The following LRRC4C variants were observed in gnomAD, a reference collection of about 807,000 sequenced individuals.
LRRC4C encodes leucine rich repeat containing 4C, also known as leucine-rich repeat-containing protein 4C.
Under a neutral mutation model 33.6 loss-of-function variants are expected in LRRC4C, and 5 were observed. The ratio of observed to expected loss-of-function variants is 0.15; its 90% CI spans 0.08 to 0.31. The LOEUF is 0.31. Among genes scored for constraint, LRRC4C ranks in the 10% least tolerant of loss-of-function variants. The pLI, the probability that LRRC4C is intolerant of heterozygous loss-of-function variation, is 1.00. For missense variants in LRRC4C, 560 were observed against 796.7 expected (o/e 0.70, Z 3.58); for synonymous variants, 329 against 302.0 (o/e 1.09, Z -0.93).
chr11:40,664,881 CG>C (rs1008931291), intron 2 of LRRC4C, among the ~76,000 whole-genome samples: 2 of 151,648 alleles, frequency 1.3e-5, no homozygotes, highest in African/African-American at 4.8e-5. Flanking sequence ...CCCACTAACT[CG>C]TCATTTACAT....
At chr11:40,305,654 T>C (rs1343015678) in intron 4 of LRRC4C, among the ~76,000 whole-genome samples, 1 of 151,606 alleles carries the variant, frequency 6.6e-6, no homozygotes, top group Non-Finnish European at 1.5e-5. Flanking sequence ...CTTCTAGCCA[T>C]ACATAGACAA....
At chr11:40,775,304 G>A (rs1241284390) in intron 2 of LRRC4C, among the ~76,000 whole-genome samples, 1 of 152,036 alleles carries the variant, frequency 6.6e-6, no homozygotes, top group Non-Finnish European at 1.5e-5. Flanking sequence ...CAGCTACTTG[G>A]GAGGCTGAGG....
At chr11:40,967,537 A>C (rs1870876) in intron 1 of LRRC4C, among the ~76,000 whole-genome samples, 35,313 of 151,962 alleles carry the variant, frequency 0.23, 4,488 homozygotes, top group Middle Eastern at 0.32. Flanking sequence ...TGCTCACTTC[A>C]TGTCTCAATG....
At chr11:40,265,123 T>C (rs1942154642) in intron 4 of LRRC4C, among the ~76,000 whole-genome samples, 1 of 152,202 alleles carries the variant, frequency 6.6e-6, no homozygotes, top group Non-Finnish European at 1.5e-5. Flanking sequence ...TAATTTTCCC[T>C]CCTTCCATTT....
intron 1 of LRRC4C, among the ~76,000 whole-genome samples, chr11:41,001,533 T>C (rs1174731786): frequency 6.6e-6 from 1 of 152,108 alleles, no homozygotes; most frequent in Non-Finnish European, 1.5e-5. Context: ...TTTGAAAGTC[T>C]CTGAACATGG....
intron 2 of LRRC4C, among the ~76,000 whole-genome samples, chr11:40,823,317 GA>G (rs1017466727): frequency 3.3e-5 from 5 of 151,292 alleles, no homozygotes; most frequent in African/African-American, 9.7e-5. Flanking sequence ...ATCAATGAGA[GA>G]AAAAAATAAT....
chr11:41,224,555 C>T (rs575898087), intron 1 of LRRC4C, among the ~76,000 whole-genome samples: 1 of 152,264 alleles, frequency 6.6e-6, no homozygotes, highest in South Asian at 2.1e-4. Flanking sequence ...ACTTCCTTGT[C>T]CCCTTCTTAA....
chr11:40,625,276 C>T (rs1324929637), intron 3 of LRRC4C, among the ~76,000 whole-genome samples: 2 of 152,152 alleles, frequency 1.3e-5, no homozygotes, highest in African/African-American at 4.8e-5. Context: ...AGTCTGTTCT[C>T]ATGCTGCTGT....
intron 1 of LRRC4C, among the ~76,000 whole-genome samples, chr11:41,164,393 G>A (rs1339792361): frequency 6.6e-6 from 1 of 151,840 alleles, no homozygotes; most frequent in Non-Finnish European, 1.5e-5. Flanking sequence ...AGTACCTCCT[G>A]AGGAACCTGC....
intron 4 of LRRC4C, among the ~76,000 whole-genome samples, chr11:40,272,523 G>T (rs370275836): frequency 6.6e-5 from 10 of 152,008 alleles, no homozygotes; most frequent in African/African-American, 1.9e-4. Context: ...AAAATTACAT[G>T]CATGAAGGAG....
chr11:40,935,143 C>A (rs2136507170), intron 1 of LRRC4C, among the ~76,000 whole-genome samples: 1 of 152,250 alleles, frequency 6.6e-6, no homozygotes, highest in Middle Eastern at 3.4e-3. Context: ...TTTTTCACTG[C>A]TGCACTCCTT....
intron 2 of LRRC4C, among the ~76,000 whole-genome samples, chr11:40,708,012 G>T (rs935350196): frequency 1.1e-4 from 16 of 152,150 alleles, no homozygotes; most frequent in Non-Finnish European, 2.1e-4. Context: ...AGTATTTATA[G>T]TATTCTCTGA....
chr11:40,992,551 T>C (rs1853658948), intron 1 of LRRC4C, among the ~76,000 whole-genome samples: 1 of 152,036 alleles, frequency 6.6e-6, no homozygotes, highest in South Asian at 2.1e-4. Flanking sequence ...TTTTTATCTG[T>C]TTGGCTGAAT....
At chr11:41,097,620 T>C (rs1416925178) in intron 1 of LRRC4C, among the ~76,000 whole-genome samples, 2 of 152,114 alleles carry the variant, frequency 1.3e-5, no homozygotes, top group Non-Finnish European at 2.9e-5. Flanking sequence ...TTATCAGAAT[T>C]ATTCATCTAC....
At chr11:40,467,337 T>C (rs1009301620) in intron 3 of LRRC4C, among the ~76,000 whole-genome samples, 31 of 152,152 alleles carry the variant, frequency 2.0e-4, no homozygotes, top group African/African-American at 7.5e-4. Flanking sequence ...AAATCATCAT[T>C]ATTACTTTGA....
chr11:40,865,361 A>G (rs983258492), intron 2 of LRRC4C, among the ~76,000 whole-genome samples: 7 of 152,064 alleles, frequency 4.6e-5, no homozygotes, highest in African/African-American at 1.7e-4. Flanking sequence ...AGATAGGAGG[A>G]TGATTGTACA....
intron 1 of LRRC4C, among the ~76,000 whole-genome samples, chr11:40,989,538 A>T (rs1853349211): frequency 6.6e-6 from 1 of 152,158 alleles, no homozygotes; most frequent in Non-Finnish European, 1.5e-5. Flanking sequence ...GAAAACAGTA[A>T]GAGTATGTCA....
intron 1 of LRRC4C, among the ~76,000 whole-genome samples, chr11:41,418,116 T>C (rs1954752946): frequency 6.6e-6 from 1 of 151,878 alleles, no homozygotes; most frequent in African/African-American, 2.4e-5. Flanking sequence ...ATGTCTGCCA[T>C]AACCTGTGCT....
At chr11:40,420,996 C>A (rs1221064898) in intron 3 of LRRC4C, among the ~76,000 whole-genome samples, 1 of 152,180 alleles carries the variant, frequency 6.6e-6, no homozygotes, top group African/African-American at 2.4e-5. Context: ...TATGCATTTG[C>A]CATTTAGTTC....
Sources: gnomAD v4.1 joint callset for allele counts (sites outside exome capture counted in the v4.1 genomes callset) on GRCh38, gnomAD v4.1.1 for gene constraint, MANE v1.5 for transcripts, NCBI Gene and HGNC (gene_info 2026-07-23, HGNC 2026-07-21) for gene names.